Variants in FOLH1 observed in about 807,000 individuals in gnomAD.
The protein encoded by FOLH1 is glutamate carboxypeptidase 2.
A neutral mutation model predicts 93.9 loss-of-function variants in FOLH1; 54 were observed. That is an observed-to-expected ratio of 0.57 (90% CI 0.46 to 0.72). The LOEUF is 0.72. Among genes scored for constraint, FOLH1 ranks in the 30% least tolerant of loss-of-function variants. The pLI is 0.00. For missense variants in FOLH1, 571 were observed against 892.5 expected (o/e 0.64, Z 4.59); for synonymous variants, 249 against 303.6 (o/e 0.82, Z 1.87).
intron 17 of FOLH1, among the ~76,000 whole-genome samples, chr11:49,152,956 T>C (rs1338749575): frequency 6.6e-6 from 1 of 152,138 alleles, no homozygotes; most frequent in Admixed American, 6.6e-5. Context: ...TATAATATTA[T>C]GGTTGAGTAA....
At chr11:49,151,412 G>A (rs1204332672) in intron 17 of FOLH1, among the ~76,000 whole-genome samples, 26 of 147,356 alleles carry the variant, frequency 1.8e-4, no homozygotes, top group Admixed American at 1.1e-3. Context: ...GTGCGCGTGC[G>A]TGCACACACA....
chr11:49,196,672 C>G (rs1446598057), intron 3 of FOLH1, among the ~76,000 whole-genome samples: 1 of 152,036 alleles, frequency 6.6e-6, no homozygotes, highest in East Asian at 1.9e-4. Flanking sequence ...GCATGCTCAT[C>G]TTAAAGAAAA....
At position 49,153,915 on chromosome 11, in the gene FOLH1, G is replaced by GA. The variant is rs1446664569; in HGVS notation, c.1900dup (p.Ser634PhefsTer15). 1.3e-6 allele frequency: 2 copies of GA among 1,599,502 alleles called. No individual in the cohort carries two copies. The highest frequency in any genetic ancestry group is 1.7e-6 in the Non-Finnish European group (2 of 1,174,712). On this transcript the variant is annotated frameshift_variant, in exon 17 of 19. Transcript: ENST00000256999. LOFTEE classifies it high-confidence loss of function. Reference sequence around the variant, plus strand: ...AATTTCTGTAAAATTCTTTACTGCAGAAAAAAGTGAATCTGAAATAGAAAT... The same window carrying GA: ...AATTTCTGTAAAATTCTTTACTGCAGAAAAAAAGTGAATCTGAAATAGAAAT...
In FOLH1 at chr11:49,169,199, T is replaced by C. The variant is rs1223741982; in HGVS notation, c.1368A>G (p.Ile456Met). 3.7e-6 allele frequency: 6 copies of C among 1,613,056 alleles called. No individual in the cohort carries two copies. The highest frequency in any genetic ancestry group is 5.1e-6 in the Non-Finnish European group (6 of 1,179,276). Residue 456 changes from isoleucine to methionine, a missense_variant, in exon 12 of 19, where the codon ATA (isoleucine) becomes ATG (methionine). Physicochemically the swap from Ile to Met is conservative, Grantham distance 10. Transcript: ENST00000256999. ...GVAYINADSS[I>M]EGNYTLRVDC... ...TATGAGACCAACGATATTCACCTTC[T>C]ATAGATGAGTCAGCATTAATATAAG...
chr11:49,208,375 A>G lies in FOLH1; in HGVS notation c.35T>C (p.Val12Ala). The change falls in exon 1 of 19, where the codon GTG becomes GCG. Residue 12 changes from valine to alanine, a missense_variant. By Grantham distance (64) the Val-to-Ala change is moderately conservative. Around this residue, in one of 2 missense-constraint regions of FOLH1, gnomAD observed 71 missense variants for 69.6 expected, o/e 1.02. Transcript: ENST00000256999. ...WNLLHETDSA[V>A]ATARRPRWLC... Reference sequence around the variant, plus strand: ...CCAGCGCGGGCGGCGCGCGGTGGCCACAGCCGAGTCGGTTTCGTGAAGGAG... The same window carrying G: ...CCAGCGCGGGCGGCGCGCGGTGGCCGCAGCCGAGTCGGTTTCGTGAAGGAG... The G allele has an allele frequency of 2.5e-6, 4 of 1,604,194 alleles. No individual in the cohort carries two copies. The highest frequency in any genetic ancestry group is 3.4e-6 in the Non-Finnish European group (4 of 1,174,464).
chr11:49,199,132 G>A (rs1253171129), intron 3 of FOLH1, among the ~76,000 whole-genome samples: 1 of 152,038 alleles, frequency 6.6e-6, no homozygotes, highest in Non-Finnish European at 1.5e-5. Flanking sequence ...TAAATCACAT[G>A]ACATTTTCAG....
rs1222471490 is a variant in FOLH1 at position 49,175,904 on chromosome 11, A to T, written c.974T>A (p.Val325Glu). 1 of 1,613,696 alleles carries T rather than the reference A, an allele frequency of 6.2e-7. No homozygotes were observed. The highest frequency in any genetic ancestry group is 2.2e-5 in the East Asian group (1 of 44,866). Residue 325 changes from valine (V) to glutamate (E), a missense_variant, in exon 8 of 19, where the codon GTG (valine) becomes GAG (glutamate). This residue lies in a region of FOLH1 where 500 missense variants were observed against 822.9 expected (regional missense o/e 0.61). Coordinates refer to ENST00000256999, the MANE Select transcript of FOLH1 (RefSeq NM_004476.3). ...AAAGCCAGGTCCAACATTGTAGGGC[A>T]CTTTGAGACTTCCTCTCCAGCTGCT... ...PDSSWRGSLK[V>E]PYNVGPGFTG...
At chr11:49,192,203 A>G (rs1862133928) in intron 4 of FOLH1, among the ~76,000 whole-genome samples, 1 of 152,126 alleles carries the variant, frequency 6.6e-6, no homozygotes, top group Admixed American at 6.5e-5. Context: ...TTAAATAAAA[A>G]TGTATTGTTA....
At chr11:49,174,749 T>C (rs1859789183) in intron 9 of FOLH1, 143 bp downstream of exon 9, 2 of 729,124 alleles carry the variant, frequency 2.7e-6, no homozygotes, top group African/African-American at 3.6e-5. Context: ...CTTATTTCCT[T>C]TGTTTTTAGG....
chr11:49,204,289 C>G (rs1863613642), intron 2 of FOLH1, among the ~76,000 whole-genome samples: 1 of 152,224 alleles, frequency 6.6e-6, no homozygotes, highest in Admixed American at 6.5e-5. Context: ...GTTATAAGGC[C>G]TTTTAAAATA....
At chr11:49,169,816 G>A (rs372004747) in intron 11 of FOLH1, among the ~76,000 whole-genome samples, 2 of 152,186 alleles carry the variant, frequency 1.3e-5, no homozygotes, top group Non-Finnish European at 2.9e-5. Context: ...AGAACAAAGC[G>A]TAGCAAAGTT....
intron 4 of FOLH1, among the ~76,000 whole-genome samples, chr11:49,189,918 C>T (rs1288384331): frequency 6.6e-6 from 1 of 152,156 alleles, no homozygotes; most frequent in Non-Finnish European, 1.5e-5. Flanking sequence ...AATTGGGAAA[C>T]TGACATTTGA....
Position 49,172,638 on chromosome 11 carries a change from G to A in FOLH1, c.1225+719C>T, listed in dbSNP as rs148857244. 5.9e-3 allele frequency among the ~76,000 whole-genome samples: 895 copies of A among 152,194 alleles called. 12 individuals are homozygous for A. Among genetic ancestry groups the A allele is most frequent in the African/African-American group, 0.021 (856 of 41,536 alleles). ...TACTATGCAAACAACATACATTATT[G>A]TTTTTATGGTTGATAAAAATATATA... On this transcript the variant is annotated intron_variant, in intron 10 of 18. Transcript: ENST00000256999.
At chr11:49,208,023 C>T (rs1277328352) in intron 1 of FOLH1, 23 of 649,174 alleles carry the variant, frequency 3.5e-5, no homozygotes, top group Non-Finnish European at 6.1e-5. Context: ...GCACTTGGAA[C>T]CTTCCTACGC....
chr11:49,194,087 C>T (rs113712300), intron 3 of FOLH1, among the ~76,000 whole-genome samples: 4,257 of 135,512 alleles, frequency 0.031, 68 homozygotes, highest in African/African-American at 0.04. Flanking sequence ...AGCAGGCAAG[C>T]TTGCAGTGAG....
At chr11:49,148,603 G>T in intron 18 of FOLH1, 36 bp downstream of exon 18, 1 of 1,398,130 alleles carries the variant, frequency 7.2e-7, no homozygotes, top group Non-Finnish European at 9.8e-7. Context: ...AAGAAAAAGT[G>T]ATATTACAGA....
chr11:49,163,206 T>C (rs1730402414), intron 13 of FOLH1, among the ~76,000 whole-genome samples: 1 of 151,940 alleles, frequency 6.6e-6, no homozygotes, highest in Non-Finnish European at 1.5e-5. Flanking sequence ...AAGATGGTGG[T>C]TTGCCCCTCC....
rs778134535 is a variant in FOLH1, at chr11:49,186,766, C to T, written c.517G>A (p.Asp173Asn). 48 of 1,600,518 alleles carry T rather than the reference C, an allele frequency of 3.0e-5. No homozygotes were observed. The highest frequency in any genetic ancestry group is 7.0e-5 in the Admixed American group (4 of 57,266). The stretch of plus-strand genomic sequence containing the variant: ...CGTGCATAGTTAACATACACTAGAT[C>T]GCCCTGTTGAGATCGGGAATGACTT... The part of the protein sequence containing the change: ...AFSPQGMPEG[D>N]LVYVNYARTE... The change falls in exon 5 of 19, where the codon GAT becomes AAT. Residue 173 changes from aspartate (D) to asparagine (N), a missense_variant. Physicochemically the swap from Asp to Asn is conservative, Grantham distance 23 (BLOSUM62 1). Transcript: ENST00000256999.
chr11:49,179,778 C>A (rs1278300456), intron 7 of FOLH1, among the ~76,000 whole-genome samples: 1 of 152,054 alleles, frequency 6.6e-6, no homozygotes, highest in Non-Finnish European at 1.5e-5. Flanking sequence ...TAGAGAAAAT[C>A]AATGAAACCA....
Sources: allele counts gnomAD v4.1 joint callset (sites outside exome capture counted in the v4.1 genomes callset), GRCh38; gene constraint gnomAD v4.1.1; regional missense constraint gnomAD v4.1.1; transcripts MANE v1.5; gene names NCBI Gene and HGNC (gene_info 2026-07-23, HGNC 2026-07-21).